The following STUM variants were observed in gnomAD, a reference collection of about 807,000 sequenced individuals.
The protein encoded by STUM is protein stum homolog.
Under a neutral mutation model 15.3 loss-of-function variants are expected in STUM, and 8 were observed. That is an observed-to-expected ratio of 0.52 (90% CI 0.31 to 0.94). The LOEUF (loss-of-function observed/expected upper bound fraction) is 0.94, where lower values mean the gene tolerates loss of function less well. STUM is among the 40% of genes least tolerant of loss of function. STUM has a pLI of 0.05. For missense variants in STUM, 142 were observed against 204.9 expected, an observed-to-expected ratio of 0.69 and a Z score of 1.87; for synonymous variants, 78 against 88.7, an observed-to-expected ratio of 0.88 and a Z score of 0.68.
chr1:226,561,407 A>T (rs1302745662), intron 1 of STUM, among the ~76,000 whole-genome samples: 4 of 152,064 alleles, frequency 2.6e-5, no homozygotes, highest in Admixed American at 2.6e-4. Context: ...TGGCCTTCCT[A>T]GCTCAGAGTT....
chr1:226,574,517 A>G (rs542856680), intron 1 of STUM, among the ~76,000 whole-genome samples: 1 of 152,250 alleles, frequency 6.6e-6, no homozygotes, highest in African/African-American at 2.4e-5. Flanking sequence ...CTGTGTAATC[A>G]CTGTGACAGG....
At chr1:226,553,824 A>G (rs1667406796) in intron 1 of STUM, among the ~76,000 whole-genome samples, 2 of 152,272 alleles carry the variant, frequency 1.3e-5, no homozygotes, top group Admixed American at 1.3e-4. Context: ...AAAATCAACA[A>G]CAAAGCACTG....
rs946949868 is a variant in STUM, at chr1:226,597,264, G to T, written c.382+283G>T. On this transcript the variant is annotated intron_variant, in intron 2 of 3. Coordinates refer to ENST00000366788, the MANE Select transcript of STUM (RefSeq NM_001003665.4). ...AGACACAGAATGGTTTTGTGAAAGGGTTTAAAGTTACAAAATCAAGTTTAC... is the reference window on the plus strand; with the variant it reads ...AGACACAGAATGGTTTTGTGAAAGGTTTTAAAGTTACAAAATCAAGTTTAC... The T allele has an allele frequency of 1.2e-4, 74 of 604,576 alleles. No homozygotes were observed. The Admixed American group carries it at 1.6e-3, about 13-fold the overall frequency. The allele number at this position is 604,576 out of a possible 1,614,324, so 37.5% of individuals were successfully genotyped here. A position where few individuals can be genotyped will look rare whatever the true frequency, so the allele number is the denominator to read the frequency against.
chr1:226,551,591 C>T (rs1011424860), intron 1 of STUM, among the ~76,000 whole-genome samples: 2 of 152,220 alleles, frequency 1.3e-5, no homozygotes, highest in Non-Finnish European at 2.9e-5. Flanking sequence ...CTGAAGCTCC[C>T]GGGACAACTG....
intron 2 of STUM, among the ~76,000 whole-genome samples, chr1:226,597,958 C>T (rs932209067): frequency 1.3e-5 from 2 of 152,186 alleles, no homozygotes; most frequent in East Asian, 1.9e-4. Flanking sequence ...TGAGCTGCCC[C>T]AGGGAGGAAT....
intron 1 of STUM, among the ~76,000 whole-genome samples, chr1:226,578,220 TTTTC>T (rs775675880): frequency 5.3e-5 from 8 of 152,052 alleles, no homozygotes; most frequent in Non-Finnish European, 7.4e-5. Context: ...CTTTTCAATT[TTTTC>T]TTTATTTTTA....
Position 226,548,987 on chromosome 1 carries a change from C to T in STUM, c.83C>T (p.Ser28Phe), listed in dbSNP as rs752785657. 6.5e-7 allele frequency: 1 copy of T among 1,536,864 alleles called. No individual in the cohort carries two copies. Among genetic ancestry groups the T allele is most frequent in the East Asian group, 2.6e-5 (1 of 37,994 alleles). ...GCGGACCCCCGGGGGGCGTCCTCGT[C>T]CAGCGGGGTGGTGGTGCAGGTCCGC... ...AAADPRGASS[S>F]SGVVVQVREK... The change falls in exon 1 of 4, where the codon TCC becomes TTC. Residue 28 changes from serine (S) to phenylalanine (F), a missense_variant. Physicochemically the swap from Ser to Phe is radical, Grantham distance 155. Transcript: ENST00000366788.
chr1:226,560,151 CAA>C (rs1457313042), intron 1 of STUM, among the ~76,000 whole-genome samples: 2 of 152,054 alleles, frequency 1.3e-5, no homozygotes, highest in Non-Finnish European at 2.9e-5. Context: ...AACAAACAAA[CAA>C]GACAAAAAAA....
intron 1 of STUM, among the ~76,000 whole-genome samples, chr1:226,557,995 T>C (rs912977478): frequency 2.0e-5 from 3 of 152,108 alleles, no homozygotes; most frequent in African/African-American, 7.2e-5. Context: ...CTTAACACAA[T>C]AAAGGCCATA....
In STUM at chr1:226,549,115, C is replaced by A. The variant is rs763038966; in HGVS notation, c.202+9C>A. 12 of 1,570,756 alleles carry A rather than the reference C, an allele frequency of 7.6e-6. No individual in the cohort carries two copies. The highest frequency in any genetic ancestry group is 1.0e-5 in the Non-Finnish European group (12 of 1,161,348). ...TTTCGTGCCGGGACTGGGTAAGACA[C>A]GGCTGCCGCGACCCTTGCGACCCCC... On this transcript the variant is annotated intron_variant, in intron 1 of 3. Coordinates refer to ENST00000366788, the MANE Select transcript of STUM (RefSeq NM_001003665.4). This position sits in a 1 kb window ranked among gnomAD's most constrained non-coding sequence, Gnocchi z 6.8.
chr1:226,551,344 C>T lies in STUM; in HGVS notation c.202+2238C>T, dbSNP rs533728672. Among the ~76,000 whole-genome samples the T allele has an allele frequency of 7.2e-5, 11 of 152,284 alleles. No individual in the cohort carries two copies. The East Asian group carries it at 2.1e-3, about 29-fold the overall frequency. On this transcript the variant is annotated intron_variant, in intron 1 of 3. Coordinates refer to ENST00000366788, the MANE Select transcript of STUM (RefSeq NM_001003665.4). ...ACTGGTCCCATCTCTGGGTGGGGGT[C>T]GCTGCAGCCAGGGCAGCACTGCCCT...
chr1:226,591,129 TG>T (rs1293735901), intron 1 of STUM, among the ~76,000 whole-genome samples: 3 of 152,226 alleles, frequency 2.0e-5, no homozygotes, highest in Non-Finnish European at 4.4e-5. Flanking sequence ...CGTAGGAAAA[TG>T]TGCTAAAACC....
rs529169695 is a variant in STUM at position 226,584,060 on chromosome 1, A to G, written c.203-12742A>G. 1.4e-4 allele frequency among the ~76,000 whole-genome samples: 22 copies of G among 152,248 alleles called. No homozygotes were observed. The Middle Eastern group carries it at 0.01, about 71-fold the overall frequency. ...ATCTTCTGTGGGTAGGGATTTAGATAGGACACATTCGGGATATCTTGTCTC... is the reference window on the plus strand; with the variant it reads ...ATCTTCTGTGGGTAGGGATTTAGATGGGACACATTCGGGATATCTTGTCTC... On this transcript the variant is annotated intron_variant, in intron 1 of 3. Transcript: ENST00000366788.
chr1:226,582,761 A>T (rs958481921), intron 1 of STUM, among the ~76,000 whole-genome samples: 1 of 152,138 alleles, frequency 6.6e-6, no homozygotes, highest in Non-Finnish European at 1.5e-5. Flanking sequence ...AAGCCCCAGT[A>T]CCTGCTTTCC....
chr1:226,609,186 A>G lies in STUM; in HGVS notation c.*7146A>G, dbSNP rs756650931. ...CTTTTTCTTCCTTTCCCTCTTTTCT[A>G]TGTTGTAATAAACATTCATGTGACC... On this transcript the variant is annotated 3_prime_UTR_variant, in exon 4 of 4. Coordinates refer to ENST00000366788, the MANE Select transcript of STUM (RefSeq NM_001003665.4). 1.3e-5 allele frequency: 2 copies of G among 151,692 alleles called. No individual in the cohort carries two copies. The highest frequency in any genetic ancestry group is 2.9e-5 in the Non-Finnish European group (2 of 67,968). 9.4% of individuals were successfully genotyped at this position (151,692 alleles called of 1,614,324 possible).
Position 226,600,446 on chromosome 1 carries a change from C to T in STUM, c.383-220C>T. On this transcript the variant is annotated intron_variant, in intron 2 of 3. Transcript: ENST00000366788. The surrounding 1 kb of genome is among the most constrained non-coding windows in gnomAD (Gnocchi z 5.2). Reference sequence around the variant, plus strand: ...ACCCACACGCCTGGTGGGCAGACCACTGGCCACTGTGGCTGTCACCATGAG... The same window carrying T: ...ACCCACACGCCTGGTGGGCAGACCATTGGCCACTGTGGCTGTCACCATGAG... The T allele has an allele frequency of 1.7e-6, 1 of 599,356 alleles. No individual in the cohort carries two copies. Among genetic ancestry groups the T allele is most frequent in the East Asian group, 2.9e-5 (1 of 35,056 alleles). 37.1% of individuals were successfully genotyped at this position (599,356 alleles called of 1,614,324 possible). A position where few individuals can be genotyped will look rare whatever the true frequency, so the allele number is the denominator to read the frequency against.
Position 226,600,723 on chromosome 1 carries a change from T to C in STUM, c.391+49T>C. ...GGCCTCGTGCTGCTGCTTGGGGCCC[T>C]CCCCTCCCCCGAGACCCCCACTCCT... On this transcript the variant is annotated intron_variant, in intron 3 of 3. Transcript: ENST00000366788. This position sits in a 1 kb window ranked among gnomAD's most constrained non-coding sequence, Gnocchi z 5.2. 1 of 1,602,754 alleles carries C rather than the reference T, an allele frequency of 6.2e-7. No individual in the cohort carries two copies.
At chr1:226,576,326 A>G (rs1343081063) in intron 1 of STUM, among the ~76,000 whole-genome samples, 1 of 152,226 alleles carries the variant, frequency 6.6e-6, no homozygotes, top group Non-Finnish European at 1.5e-5. Flanking sequence ...TGGGGTTCCC[A>G]GCCAAAAGTC....
Position 226,608,404 on chromosome 1 carries a change from A to G in STUM, c.*6364A>G, listed in dbSNP as rs1668395265. The G allele has an allele frequency of 6.6e-6, 1 of 152,080 alleles. No homozygotes were observed. Among genetic ancestry groups the G allele is most frequent in the Admixed American group, 6.5e-5 (1 of 15,272 alleles). The allele number at this position is 152,080 out of a possible 1,614,324, so 9.4% of individuals were successfully genotyped here. A position where few individuals can be genotyped will look rare whatever the true frequency, so the allele number is the denominator to read the frequency against. ...TGAGAACCTGTGGCCAGCCCTTTTC[A>G]TTGGCTGAGTTCCCTGCTGTTGTGC... On this transcript the variant is annotated 3_prime_UTR_variant, in exon 4 of 4. Coordinates refer to ENST00000366788, the MANE Select transcript of STUM (RefSeq NM_001003665.4). The surrounding 1 kb of genome is among the most constrained non-coding windows in gnomAD (Gnocchi z 4.0).
Sources: allele counts gnomAD v4.1 joint callset (sites outside exome capture counted in the v4.1 genomes callset), GRCh38; gene constraint gnomAD v4.1.1; non-coding constraint Gnocchi (gnomAD v3.1); transcripts MANE v1.5; gene names NCBI Gene and HGNC (gene_info 2026-07-23, HGNC 2026-07-21).